The following P4HA3 variants were observed in gnomAD, a reference collection of about 807,000 sequenced individuals.
P4HA3 encodes prolyl 4-hydroxylase subunit alpha 3.
P4HA3 carries 60 observed loss-of-function variants against 66.7 expected under a neutral mutation model. The observed-to-expected ratio is 0.90, with a 90% confidence interval of 0.73 to 1.12. The LOEUF (loss-of-function observed/expected upper bound fraction) is 1.12. Ranked by LOEUF, P4HA3 falls within the 50% of genes most tolerant of loss-of-function variation. The probability of loss-of-function intolerance (pLI) is 0.00; values close to 1 mark genes in which losing one functional copy is unlikely to be tolerated. For synonymous variants in P4HA3, 263 were observed against 274.6 expected, an observed-to-expected ratio of 0.96 and a Z score of 0.42; for missense variants, 683 against 685.8, an observed-to-expected ratio of 1.00 and a Z score of 0.05.
rs576517295 is a variant in P4HA3 at position 74,308,129 on chromosome 11, G to T, written c.200+3283C>A. Among the ~76,000 whole-genome samples, 7 of 152,212 alleles carry T rather than the reference G, an allele frequency of 4.6e-5. No individual in the cohort carries two copies. The East Asian group carries it at 1.4e-3, about 29-fold the overall frequency. ...CTGCATTTTTCTATCTCAACTGAGA[G>T]CCTTGGAAATAGCCTCTCAAGTTAC... On this transcript the variant is annotated intron_variant, in intron 1 of 12. Coordinates refer to ENST00000331597, the MANE Select transcript of P4HA3 (RefSeq NM_182904.5).
chr11:74,278,598 C>A (rs1303445586), intron 8 of P4HA3, among the ~76,000 whole-genome samples: 1 of 152,142 alleles, frequency 6.6e-6, no homozygotes, highest in Non-Finnish European at 1.5e-5. Context: ...CCCCTGGAAG[C>A]AATTAACCCA....
chr11:74,290,165 G>A (rs1345337130), intron 4 of P4HA3, among the ~76,000 whole-genome samples: 1 of 151,886 alleles, frequency 6.6e-6, no homozygotes, highest in Non-Finnish European at 1.5e-5. Flanking sequence ...ATCTCATTGT[G>A]GTTTTGATTT....
At chr11:74,250,841 A>G in intron 15 of P4HA3, 1 of 816,404 alleles carries the variant, frequency 1.2e-6, no homozygotes, top group Non-Finnish European at 2.1e-6. Context: ...CAGAGTATTG[A>G]GGTGAGGTTG....
intron 10 of P4HA3, among the ~76,000 whole-genome samples, chr11:74,270,835 C>T (rs1361682075): frequency 6.6e-6 from 1 of 152,052 alleles, no homozygotes; most frequent in Non-Finnish European, 1.5e-5. Flanking sequence ...TAGGTCATAT[C>T]CAAATGTTTA....
intron 7 of P4HA3, among the ~76,000 whole-genome samples, chr11:74,279,967 G>C (rs1860534322): frequency 6.6e-6 from 1 of 152,156 alleles, no homozygotes; most frequent in Non-Finnish European, 1.5e-5. Flanking sequence ...GAGAATCAGA[G>C]TCTGTTTTTG....
intron 1 of P4HA3, among the ~76,000 whole-genome samples, chr11:74,310,764 G>C (rs1591145852): frequency 1.3e-5 from 2 of 152,322 alleles, no homozygotes; most frequent in East Asian, 3.9e-4. Flanking sequence ...TGCAGAGTAT[G>C]ATATCCACAG....
intron 15 of P4HA3, chr11:74,253,779 C>A (rs914400103): frequency 1.8e-6 from 1 of 564,572 alleles, no homozygotes; most frequent in Non-Finnish European, 3.1e-6. Context: ...GCCTGCTCTC[C>A]CTGCGTTGCC....
intron 3 of P4HA3, 106 bp downstream of exon 3, chr11:74,302,263 C>T: frequency 1.9e-6 from 2 of 1,059,726 alleles, no homozygotes; most frequent in South Asian, 1.8e-5. Context: ...ATCAAATTTC[C>T]AAGTTTACTG....
At chr11:74,305,026 C>T (rs1861537523) in intron 1 of P4HA3, among the ~76,000 whole-genome samples, 2 of 152,204 alleles carry the variant, frequency 1.3e-5, no homozygotes, top group South Asian at 4.2e-4. Context: ...AATCTAATGC[C>T]GTGGCTGATC....
At chr11:74,264,658 T>C (rs1027344556), downstream of P4HA3, among the ~76,000 whole-genome samples, 1 of 152,196 alleles carries the variant, frequency 6.6e-6, no homozygotes, top group African/African-American at 2.4e-5. Context: ...AAATGAGGCT[T>C]TCTCAACTAT....
At chr11:74,255,967 A>G (rs765591754) in intron 15 of P4HA3, 3 of 513,578 alleles carry the variant, frequency 5.8e-6, no homozygotes, top group Non-Finnish European at 1.2e-5. Context: ...CTTGTCCACA[A>G]GAGGGCAGCA....
chr11:74,299,657 A>G (rs1861339078), intron 3 of P4HA3, among the ~76,000 whole-genome samples: 1 of 140,806 alleles, frequency 7.1e-6, no homozygotes, highest in Non-Finnish European at 1.5e-5. Flanking sequence ...GTTTTATTAT[A>G]TATTTTCAAG....
chr11:74,267,002 C>T lies in P4HA3; in HGVS notation c.*246G>A. On this transcript the variant is annotated 3_prime_UTR_variant, in exon 13 of 13. Coordinates refer to ENST00000331597, the MANE Select transcript of P4HA3 (RefSeq NM_182904.5). ...AACTCCAGAAACTTCCCTCTCAGGC[C>T]TCCACTCCCCCCTCCTTTGTACTGT... 6.7e-7 allele frequency: 1 copy of T among 1,497,126 alleles called. No individual in the cohort carries two copies. 92.7% of individuals were successfully genotyped at this position (1,497,126 alleles called of 1,614,324 possible). A position where few individuals can be genotyped will look rare whatever the true frequency, so the allele number is the denominator to read the frequency against.
intron 4 of P4HA3, among the ~76,000 whole-genome samples, chr11:74,292,257 T>C (rs1196789693): frequency 6.6e-6 from 1 of 152,230 alleles, no homozygotes; most frequent in African/African-American, 2.4e-5. Context: ...TATTCTCTGA[T>C]GGTAGTTTGT....
intron 7 of P4HA3, among the ~76,000 whole-genome samples, chr11:74,281,725 G>T (rs1860603707): frequency 6.6e-6 from 1 of 152,040 alleles, no homozygotes; most frequent in East Asian, 1.9e-4. Flanking sequence ...GGACTGTTGT[G>T]GGGTGGAGGG....
chr11:74,269,712 C>A lies in P4HA3; in HGVS notation c.1407G>T (p.Ser469=). The A allele has an allele frequency of 1.2e-6, 2 of 1,613,950 alleles. No individual in the cohort carries two copies. Among genetic ancestry groups the A allele is most frequent in the South Asian group, 1.1e-5 (1 of 91,022 alleles). Residue 469 remains serine, a synonymous_variant, in exon 11 of 13, where the codon TCG becomes TCT. Transcript: ENST00000331597. ...AGGCTGTGGCTCCTCCAGCTTCCACCGAGCTCAGCTACAAGACCAGAGGAA... is the reference window on the plus strand; with the variant it reads ...AGGCTGTGGCTCCTCCAGCTTCCACAGAGCTCAGCTACAAGACCAGAGGAA... ...RVATFMIYLS[S]VEAGGATAFI... is the part of the protein sequence containing the mutation.
At chr11:74,269,467 C>G (rs1225340685) in intron 11 of P4HA3, among the ~76,000 whole-genome samples, 185 bp downstream of exon 11, 1 of 152,188 alleles carries the variant, frequency 6.6e-6, no homozygotes, top group Non-Finnish European at 1.5e-5. Flanking sequence ...AATAGAGGCA[C>G]AAGTGACGAG....
intron 15 of P4HA3, among the ~76,000 whole-genome samples, chr11:74,252,950 C>G (rs142355556): frequency 6.6e-6 from 1 of 152,300 alleles, no homozygotes; most frequent in Non-Finnish European, 1.5e-5. Flanking sequence ...TCAGAGAGCC[C>G]ACAACCCTCA....
At chr11:74,296,636 A>G (rs1300068249) in intron 4 of P4HA3, among the ~76,000 whole-genome samples, 1 of 152,202 alleles carries the variant, frequency 6.6e-6, no homozygotes, top group African/African-American at 2.4e-5. Context: ...ATTTCACCAG[A>G]CAAAACAGGA....
Sources: gnomAD v4.1 joint callset for allele counts (sites outside exome capture counted in the v4.1 genomes callset) on GRCh38, gnomAD v4.1.1 for gene constraint, MANE v1.5 for transcripts, NCBI Gene and HGNC (gene_info 2026-07-23, HGNC 2026-07-21) for gene names.